Variants in KIF9 observed in about 807,000 individuals in gnomAD.
KIF9 encodes the protein kinesin-like protein KIF9.
A neutral mutation model predicts 94.8 loss-of-function variants in KIF9; 68 were observed. The ratio of observed to expected loss-of-function variants is 0.72; its 90% CI spans 0.59 to 0.88. The LOEUF (loss-of-function observed/expected upper bound fraction) is 0.88. KIF9 is among the 40% of genes least tolerant of loss of function. The pLI, the probability that KIF9 is intolerant of heterozygous loss-of-function variation, is 0.00. For synonymous variants in KIF9, 343 were observed against 362.1 expected, an observed-to-expected ratio of 0.95 and a Z score of 0.60; for missense variants, 882 against 982.5, an observed-to-expected ratio of 0.90 and a Z score of 1.37.
At chr3:47,261,606 G>T (rs1340920102) in intron 9 of KIF9, among the ~76,000 whole-genome samples, 3 of 152,242 alleles carry the variant, frequency 2.0e-5, no homozygotes, top group African/African-American at 4.8e-5. Flanking sequence ...AAGTGGGCCA[G>T]AGGAAAGACT....
At chr3:47,282,317 G>A (rs1039221753) in intron 1 of KIF9, 178 bp downstream of exon 1, 78 of 985,608 alleles carry the variant, frequency 7.9e-5, no homozygotes, top group Non-Finnish European at 8.9e-5. Flanking sequence ...CGTAAGCCGC[G>A]GTCAGGTTGA....
chr3:47,248,168 A>C, intron 10 of KIF9, 82 bp from the exon 11 acceptor site: 1 of 1,014,986 alleles, frequency 9.9e-7, no homozygotes, highest in Non-Finnish European at 1.5e-6. Context: ...GCAAAAGTAC[A>C]ATTCCTCATT....
chr3:47,278,834 T>A (rs534395103), intron 1 of KIF9, among the ~76,000 whole-genome samples: 20 of 152,032 alleles, frequency 1.3e-4, no homozygotes, highest in African/African-American at 4.6e-4. Flanking sequence ...TAGCTAGTTG[T>A]GGTGGCAGAC....
chr3:47,234,125 A>C (rs1698830412), intron 20 of KIF9, among the ~76,000 whole-genome samples: 1 of 152,040 alleles, frequency 6.6e-6, no homozygotes, highest in Non-Finnish European at 1.5e-5. Flanking sequence ...TGAGGGGAAC[A>C]CTAGAAACAA....
At chr3:47,247,926 G>C in intron 11 of KIF9, 92 bp downstream of exon 11, 1 of 946,320 alleles carries the variant, frequency 1.1e-6, no homozygotes, top group Middle Eastern at 2.3e-4. Context: ...CATTGGCCTT[G>C]ACCCATGATG....
At chr3:47,274,702 C>T (rs1353154304) in intron 3 of KIF9, among the ~76,000 whole-genome samples, 1 of 152,236 alleles carries the variant, frequency 6.6e-6, no homozygotes, top group East Asian at 1.9e-4. Flanking sequence ...CCTCTGTCTT[C>T]ACCTCCTCAA....
chr3:47,264,022 G>A (rs1701139164), intron 9 of KIF9: 2 of 548,862 alleles, frequency 3.6e-6, no homozygotes, highest in South Asian at 3.2e-5. Context: ...TCACAAAGCT[G>A]GCTCTCAGCC....
At chr3:47,248,183 G>T (rs1021248909) in intron 10 of KIF9, 97 bp from the exon 11 acceptor site, 12 of 901,768 alleles carry the variant, frequency 1.3e-5, no homozygotes, top group Middle Eastern at 2.2e-4. Flanking sequence ...CTCATTCTGT[G>T]CCCAGACATC....
At chr3:47,275,261 A>G (rs1428001426) in intron 3 of KIF9, 64 bp downstream of exon 3, 3 of 1,199,536 alleles carry the variant, frequency 2.5e-6, no homozygotes, top group Non-Finnish European at 3.6e-6. Flanking sequence ...TATTCACCAT[A>G]AAATATTTGC....
In KIF9 at chr3:47,267,068, C is replaced by T; in HGVS notation, c.676G>A (p.Ala226Thr). Residue 226 changes from alanine to threonine, a missense_variant and splice_region_variant, in exon 7 of 21, where the codon GCC becomes ACC. Ala to Thr is a moderately conservative substitution (Grantham distance 58). Coordinates refer to ENST00000684063, the MANE Select transcript of KIF9 (RefSeq NM_182902.4). ...SHCIFTIYLE[A>T]HSRTLSEEKY... ...TCCTCTGATAAGGTCCGGGAATGGG[C>T]CTACAAAACATCCAAGCAGAAGTTA... 1.2e-6 allele frequency: 2 copies of T among 1,613,298 alleles called. No individual in the cohort carries two copies. The highest frequency in any genetic ancestry group is 1.7e-6 in the Non-Finnish European group (2 of 1,179,640).
chr3:47,264,579 G>A (rs1701179748), intron 8 of KIF9, among the ~76,000 whole-genome samples: 1 of 152,146 alleles, frequency 6.6e-6, no homozygotes, highest in Non-Finnish European at 1.5e-5. Context: ...TCGCACCACA[G>A]GTGCACACTA....
In KIF9 at chr3:47,235,440, G is replaced by C. The variant is rs1024584700; in HGVS notation, c.2322+73C>G. 5.8e-6 allele frequency: 6 copies of C among 1,040,636 alleles called. No individual in the cohort carries two copies. In the Admixed American group the frequency reaches 8.6e-5, roughly 15 times the overall value. The allele number at this position is 1,040,636 out of a possible 1,614,324, so 64.5% of individuals were successfully genotyped here. A position where few individuals can be genotyped will look rare whatever the true frequency, so the allele number is the denominator to read the frequency against. On this transcript the variant is annotated intron_variant, in intron 20 of 20. Coordinates refer to ENST00000684063, the MANE Select transcript of KIF9 (RefSeq NM_182902.4). The stretch of plus-strand genomic sequence containing the variant: ...GCCATTCCTCCCCTACCTCTCTAAA[G>C]TAGGGAATATGATCCTGGGTTTCCT...
At chr3:47,242,170 G>A (rs902485879) in intron 16 of KIF9, among the ~76,000 whole-genome samples, 4 of 152,080 alleles carry the variant, frequency 2.6e-5, no homozygotes, top group African/African-American at 9.7e-5. Context: ...ATAAGCCACC[G>A]TGCCTGGCCT....
chr3:47,248,163 A>G, intron 10 of KIF9, 77 bp from the exon 11 acceptor site: 11 of 1,054,598 alleles, frequency 1.0e-5, no homozygotes, highest in Non-Finnish European at 1.6e-5. Flanking sequence ...CCACAGCAAA[A>G]GTACAATTCC....
chr3:47,270,975 C>CAA (rs35244035), intron 5 of KIF9, among the ~76,000 whole-genome samples: 1,034 of 90,848 alleles, frequency 0.011, 17 homozygotes, highest in African/African-American at 0.044. Flanking sequence ...CTTGTCTCTA[C>CAA]AAAAAAAAAA....
chr3:47,280,769 A>T (rs1702278993), intron 1 of KIF9, among the ~76,000 whole-genome samples: 1 of 152,142 alleles, frequency 6.6e-6, no homozygotes, highest in South Asian at 2.1e-4. Flanking sequence ...ATGCACATGC[A>T]CACGCAGTCA....
At chr3:47,238,081 ATTTTTCTT>A (rs1348799262) in intron 17 of KIF9, among the ~76,000 whole-genome samples, 4 of 152,134 alleles carry the variant, frequency 2.6e-5, no homozygotes, top group South Asian at 2.1e-4. Flanking sequence ...ACATTTTTAC[ATTTTTCTT>A]TTTTTCTTTT....
chr3:47,264,262 G>T, intron 9 of KIF9, 24 bp downstream of exon 9: 1 of 1,593,540 alleles, frequency 6.3e-7, no homozygotes, highest in Non-Finnish European at 8.6e-7. Flanking sequence ...TTCCAGCCTG[G>T]TTTCACTGAC....
intron 9 of KIF9, among the ~76,000 whole-genome samples, chr3:47,262,728 C>T (rs1336366913): frequency 6.6e-6 from 1 of 152,174 alleles, no homozygotes; most frequent in Non-Finnish European, 1.5e-5. Flanking sequence ...CTGGGACAGT[C>T]CCTAATGCAC....
Sources: gnomAD v4.1 joint callset for allele counts (sites outside exome capture counted in the v4.1 genomes callset) on GRCh38, gnomAD v4.1.1 for gene constraint, MANE v1.5 for transcripts, NCBI Gene and HGNC (gene_info 2026-07-23, HGNC 2026-07-21) for gene names.